Variants in PDZRN4 observed in about 807,000 individuals in gnomAD.
PDZRN4 encodes PDZ domain-containing RING finger protein 4.
A neutral mutation model predicts 99.0 loss-of-function variants in PDZRN4; 70 were observed. The observed-to-expected ratio is 0.71, with a 90% CI of 0.58 to 0.86. The LOEUF (loss-of-function observed/expected upper bound fraction) is 0.86. Ranked by LOEUF, PDZRN4 falls within the 40% of genes least tolerant of loss-of-function variation. PDZRN4 has a pLI of 0.00. For synonymous variants in PDZRN4, 551 were observed against 501.6 expected, an observed-to-expected ratio of 1.10 and a Z score of -1.32; for missense variants, 1,474 against 1,331.2, an observed-to-expected ratio of 1.11 and a Z score of -1.67.
chr12:41,227,975 G>A (rs2120743844), intron 3 of PDZRN4, among the ~76,000 whole-genome samples: 1 of 151,504 alleles, frequency 6.6e-6, no homozygotes, highest in South Asian at 2.1e-4. Flanking sequence ...TACTTTCAAA[G>A]ATGTTTACCA....
At chr12:41,439,772 T>A (rs544854478) in intron 3 of PDZRN4, among the ~76,000 whole-genome samples, 1 of 152,200 alleles carries the variant, frequency 6.6e-6, no homozygotes, top group Admixed American at 6.5e-5. Flanking sequence ...TGATCTTTAA[T>A]AAAGGGGGTG....
chr12:41,396,025 T>C (rs1952243510), intron 3 of PDZRN4, among the ~76,000 whole-genome samples: 1 of 152,124 alleles, frequency 6.6e-6, no homozygotes, highest in Non-Finnish European at 1.5e-5. Flanking sequence ...CCTCTGTTTG[T>C]TTACCAGTCA....
intron 3 of PDZRN4, among the ~76,000 whole-genome samples, chr12:41,351,470 T>C (rs1403947219): frequency 6.6e-6 from 1 of 152,014 alleles, no homozygotes; most frequent in African/African-American, 2.4e-5. Flanking sequence ...TTAATTGGCT[T>C]ATGGTTCTAT....
At chr12:41,542,142 G>A (rs770301826) in intron 5 of PDZRN4, among the ~76,000 whole-genome samples, 2 of 152,142 alleles carry the variant, frequency 1.3e-5, no homozygotes, top group Non-Finnish European at 2.9e-5. Flanking sequence ...CATAGCTAAT[G>A]TCAAAAGAAG....
At chr12:41,367,033 A>G (rs1185347591) in intron 3 of PDZRN4, among the ~76,000 whole-genome samples, 1 of 152,012 alleles carries the variant, frequency 6.6e-6, no homozygotes, top group African/African-American at 2.4e-5. Context: ...ATTCCTCCCT[A>G]GACTAGGGGG....
At chr12:41,313,774 A>G (rs532012489) in intron 3 of PDZRN4, among the ~76,000 whole-genome samples, 107 of 152,332 alleles carry the variant, frequency 7.0e-4, no homozygotes, top group African/African-American at 2.4e-3. Context: ...TGTTACATCT[A>G]CTTTTTATTG....
intron 3 of PDZRN4, among the ~76,000 whole-genome samples, chr12:41,234,665 A>C (rs1396164526): frequency 6.6e-6 from 1 of 152,080 alleles, no homozygotes; most frequent in Non-Finnish European, 1.5e-5. Flanking sequence ...TGGAATAATC[A>C]CATGCATAAA....
intron 3 of PDZRN4, among the ~76,000 whole-genome samples, chr12:41,415,877 T>C (rs1952440825): frequency 6.6e-6 from 1 of 152,202 alleles, no homozygotes; most frequent in Non-Finnish European, 1.5e-5. Context: ...AATAGAATTA[T>C]TCTAAGTTTT....
intron 5 of PDZRN4, among the ~76,000 whole-genome samples, chr12:41,544,181 G>A (rs1218181183): frequency 6.6e-6 from 1 of 152,196 alleles, no homozygotes; most frequent in Non-Finnish European, 1.5e-5. Flanking sequence ...AGTGAGTAAA[G>A]TGAATAAGTA....
intron 3 of PDZRN4, among the ~76,000 whole-genome samples, chr12:41,365,982 C>T (rs1951997180): frequency 6.6e-6 from 1 of 152,076 alleles, no homozygotes; most frequent in South Asian, 2.1e-4. Flanking sequence ...GAGCAAATTG[C>T]TACTGTGGGA....
chr12:41,329,925 T>G (rs1013431555), intron 3 of PDZRN4, among the ~76,000 whole-genome samples: 1 of 152,110 alleles, frequency 6.6e-6, no homozygotes, highest in Non-Finnish European at 1.5e-5. Flanking sequence ...CTATAATCTT[T>G]TATACCTGAT....
At chr12:41,466,224 A>G (rs1952924000) in intron 3 of PDZRN4, among the ~76,000 whole-genome samples, 1 of 152,132 alleles carries the variant, frequency 6.6e-6, no homozygotes, top group Non-Finnish European at 1.5e-5. Flanking sequence ...GGGCCCGCCT[A>G]TATTGCCATT....
chr12:41,313,860 C>T (rs1339749150), intron 3 of PDZRN4, among the ~76,000 whole-genome samples: 1 of 152,192 alleles, frequency 6.6e-6, no homozygotes, highest in Non-Finnish European at 1.5e-5. Context: ...ATTCTACCAT[C>T]TGTATTCTCC....
chr12:41,423,889 A>G (rs144430083), intron 3 of PDZRN4, among the ~76,000 whole-genome samples: 223 of 152,306 alleles, frequency 1.5e-3, no homozygotes, highest in African/African-American at 4.9e-3. Context: ...ATGAGGAAGA[A>G]GCTATAAACT....
At chr12:41,437,772 G>C in intron 3 of PDZRN4, 1 of 1,528,372 alleles carries the variant, frequency 6.5e-7, no homozygotes, top group Non-Finnish European at 8.7e-7. Context: ...AGAGCATGCT[G>C]CTACACACCA....
chr12:41,311,747 C>T (rs1191521803), intron 3 of PDZRN4, among the ~76,000 whole-genome samples: 1 of 152,064 alleles, frequency 6.6e-6, no homozygotes, highest in African/African-American at 2.4e-5. Flanking sequence ...TCTGTAGAAA[C>T]AGAAATACAT....
intron 3 of PDZRN4, among the ~76,000 whole-genome samples, chr12:41,274,144 G>A (rs1951334333): frequency 6.6e-6 from 1 of 151,822 alleles, no homozygotes; most frequent in South Asian, 2.1e-4. Context: ...ATAAATTGTA[G>A]CCACATGTCA....
intron 3 of PDZRN4, among the ~76,000 whole-genome samples, chr12:41,251,474 G>A (rs1296651078): frequency 6.6e-6 from 1 of 151,940 alleles, no homozygotes; most frequent in African/African-American, 2.4e-5. Context: ...TATAAATTTG[G>A]TATTTGTTCT....
intron 3 of PDZRN4, among the ~76,000 whole-genome samples, chr12:41,354,208 G>C (rs2049592): frequency 6.6e-6 from 1 of 151,988 alleles, no homozygotes; most frequent in Non-Finnish European, 1.5e-5. Context: ...TAATAAGGTA[G>C]GTGTCAGGTA....
Sources: allele counts gnomAD v4.1 joint callset (sites outside exome capture counted in the v4.1 genomes callset), GRCh38; gene constraint gnomAD v4.1.1; transcripts MANE v1.5; gene names NCBI Gene and HGNC (gene_info 2026-07-23, HGNC 2026-07-21).